Variants in SHMT2 observed in about 807,000 individuals in gnomAD.
SHMT2 encodes serine hydroxymethyltransferase 2.
SHMT2 carries 38 observed loss-of-function variants against 59.6 expected under a neutral mutation model. That is an observed-to-expected ratio of 0.64 (90% confidence interval 0.49 to 0.84). The LOEUF is 0.84. SHMT2 is among the 40% of genes least tolerant of loss of function. SHMT2 has a pLI of 0.00. For synonymous variants in SHMT2, 254 were observed against 258.1 expected, an observed-to-expected ratio of 0.98 and a Z score of 0.15; for missense variants, 533 against 659.5, an observed-to-expected ratio of 0.81 and a Z score of 2.10.
Position 57,229,748 on chromosome 12 carries a change from T to C in SHMT2, c.-31T>C. 6.2e-7 allele frequency: 1 copy of C among 1,614,080 alleles called. No individual in the cohort carries two copies. ...GCTTGCTGCCCTAGACCAGAGTTGGTGGCTGGACCTCCTGCGACTTCCGAG... is the reference window on the plus strand; with the variant it reads ...GCTTGCTGCCCTAGACCAGAGTTGGCGGCTGGACCTCCTGCGACTTCCGAG... On this transcript the variant is annotated 5_prime_UTR_variant, in exon 1 of 12. Coordinates refer to ENST00000328923, the MANE Select transcript of SHMT2 (RefSeq NM_005412.6).
rs1214479792 is a variant in SHMT2 at position 57,233,661 on chromosome 12, A to C, written c.1122A>C (p.Ser374=). The C allele has an allele frequency of 6.2e-7, 1 of 1,613,896 alleles. No individual in the cohort carries two copies. Among genetic ancestry groups the C allele is most frequent in the East Asian group, 2.2e-5 (1 of 44,886 alleles). ...TAGAGCGAGGCTACTCACTGGTATC[A>C]GGTAAGCCAGCAGGTGATGGGTGAG... The part of the protein sequence containing the change: ...ALLERGYSLV[S]GGTDNHLVLV... The change falls in exon 9 of 12, where the codon TCA becomes TCC. Residue 374 remains serine (S), a splice_region_variant and synonymous_variant. Transcript: ENST00000328923.
Position 57,230,937 on chromosome 12 carries a change from G to T in SHMT2, c.168G>T (p.Met56Ile), listed in dbSNP as rs1162516961. Residue 56 changes from methionine to isoleucine, a missense_variant, in exon 2 of 12, where the codon ATG becomes ATT. Met to Ile is a conservative substitution (Grantham distance 10, BLOSUM62 1). Coordinates refer to ENST00000328923, the MANE Select transcript of SHMT2 (RefSeq NM_005412.6). Reference sequence around the variant, plus strand: ...GCCTGTCGGACAGTGATCCTGAGATGTGGGAGTTGCTGCAGAGGGAGAAGG... The same window carrying T: ...GCCTGTCGGACAGTGATCCTGAGATTTGGGAGTTGCTGCAGAGGGAGAAGG... ...QESLSDSDPE[M>I]WELLQREKDR... The T allele has an allele frequency of 6.2e-7, 1 of 1,614,084 alleles. No homozygotes were observed. The highest frequency in any genetic ancestry group is 8.5e-7 in the Non-Finnish European group (1 of 1,180,042).
At position 57,233,817 on chromosome 12, in the gene SHMT2, C is replaced by T. The variant is rs145565217; in HGVS notation, c.1192C>T (p.Arg398Trp). The part of the protein sequence containing the change: ...PKGLDGARAE[R>W]VLELVSITAN... Reference sequence around the variant, plus strand: ...GGGCCTGGATGGAGCTCGGGCTGAGCGGGTGCTAGAGCTTGTATCCATCAC... The same window carrying T: ...GGGCCTGGATGGAGCTCGGGCTGAGTGGGTGCTAGAGCTTGTATCCATCAC... The change falls in exon 10 of 12, where the codon CGG becomes TGG. Residue 398 changes from arginine (R) to tryptophan (W), a missense_variant. Physicochemically the swap from Arg to Trp is moderately radical, Grantham distance 101. Transcript: ENST00000328923. 18 of 1,614,062 alleles carry T rather than the reference C, an allele frequency of 1.1e-5. No individual in the cohort carries two copies. The highest frequency in any genetic ancestry group is 3.3e-4 in the Middle Eastern group (2 of 6,084).
Position 57,231,836 on chromosome 12 carries a change from A to T in SHMT2, c.435A>T (p.Pro145=), listed in dbSNP as rs948427445. ...ATGTCCAGCCCTACTCCGGGTCCCC[A>T]GCCAACCTGGCCGTCTACACAGCCC... ...GVNVQPYSGS[P]ANLAVYTALL... is the part of the protein sequence containing the mutation. The change falls in exon 4 of 12, where the codon CCA becomes CCT. Residue 145 remains proline, a synonymous_variant. Coordinates refer to ENST00000328923, the MANE Select transcript of SHMT2 (RefSeq NM_005412.6). The T allele has an allele frequency of 1.2e-6, 2 of 1,614,134 alleles. No homozygotes were observed. The highest frequency in any genetic ancestry group is 2.2e-5 in the South Asian group (2 of 91,076).
intron 4 of SHMT2, 118 bp downstream of exon 4, chr12:57,232,031 T>C: frequency 8.2e-7 from 1 of 1,221,584 alleles, no homozygotes; most frequent in Admixed American, 2.0e-5. Context: ...CTGTCCTGCA[T>C]GTCACAGTGG....
intron 2 of SHMT2, chr12:57,231,262 C>G: frequency 1.6e-6 from 1 of 626,590 alleles, no homozygotes; most frequent in South Asian, 2.0e-5. Flanking sequence ...AGCCTAGAAG[C>G]ACAAGTTTGA....
At position 57,232,286 on chromosome 12, in the gene SHMT2, G is replaced by C; in HGVS notation, c.588G>C (p.Lys196Asn). 1 of 1,614,020 alleles carries C rather than the reference G, an allele frequency of 6.2e-7. No homozygotes were observed. Among genetic ancestry groups the C allele is most frequent in the South Asian group, 1.1e-5 (1 of 91,078 alleles). ...TCTTCTTCGAGTCTATGCCCTATAA[G>C]CTCAACGTGAGTGCTCTAGGGTGTG... ...TSIFFESMPY[K>N]LNPKTGLIDY... is the part of the protein sequence containing the mutation. Residue 196 changes from lysine to asparagine, a missense_variant, in exon 5 of 12, where the codon AAG becomes AAC. Physicochemically the swap from Lys to Asn is moderately conservative, Grantham distance 94. Coordinates refer to ENST00000328923, the MANE Select transcript of SHMT2 (RefSeq NM_005412.6).
intron 2 of SHMT2, chr12:57,231,269 T>G (rs2136785486): frequency 1.6e-6 from 1 of 626,884 alleles, no homozygotes; most frequent in South Asian, 2.0e-5. Flanking sequence ...AAGCACAAGT[T>G]TGAGTGGGTA....
intron 1 of SHMT2, 117 bp downstream of exon 1, chr12:57,229,928 C>A: frequency 1.3e-6 from 2 of 1,508,360 alleles, no homozygotes; most frequent in Non-Finnish European, 9.0e-7. Context: ...TGGATTGGGG[C>A]CTCAGGGAGC....
rs1378232659 is a variant in SHMT2, at chr12:57,234,578, ACTT to A, written c.*218_*220del. 11 of 448,906 alleles carry A rather than the reference ACTT, an allele frequency of 2.5e-5. No homozygotes were observed. Among genetic ancestry groups the A allele is most frequent in the African/African-American group, 8.0e-5 (4 of 49,696 alleles). The allele number at this position is 448,906 out of a possible 1,614,324, so 27.8% of individuals were successfully genotyped here. On this transcript the variant is annotated 3_prime_UTR_variant, in exon 12 of 12. Coordinates refer to ENST00000328923, the MANE Select transcript of SHMT2 (RefSeq NM_005412.6). ...CAAGACTTAGAAGGAGGGCCCAGGC[ACTT>A]TCTGTTTGAACCCCTGTCATGATCA... is the stretch of plus-strand genomic sequence containing the variant.
chr12:57,233,001 T>A, intron 7 of SHMT2, 158 bp downstream of exon 7: 1 of 1,263,706 alleles, frequency 7.9e-7, no homozygotes, highest in Non-Finnish European at 1.1e-6. Context: ...ATGGTGGCCA[T>A]GCCCTGGCAG....
At chr12:57,229,974 C>T (rs1275820664) in intron 1 of SHMT2, 163 bp downstream of exon 1, 14 of 1,451,266 alleles carry the variant, frequency 9.6e-6, no homozygotes, top group Admixed American at 2.6e-5. Flanking sequence ...GACCCCTGGG[C>T]GCGCGTGGAG....
intron 2 of SHMT2, 109 bp from the exon 3 acceptor site, chr12:57,231,372 T>A (rs2037310388): frequency 1.7e-6 from 2 of 1,183,524 alleles, no homozygotes; most frequent in Non-Finnish European, 1.2e-6. Context: ...TGAATGGAGC[T>A]TTCTGCAGGG....
intron 2 of SHMT2, 63 bp from the exon 3 acceptor site, chr12:57,231,418 G>A: frequency 6.5e-7 from 1 of 1,534,286 alleles, no homozygotes; most frequent in South Asian, 1.2e-5. Flanking sequence ...CTGGCAGGGA[G>A]GGACTGTGGG....
In SHMT2 at chr12:57,231,555, C is replaced by T; in HGVS notation, c.306C>T (p.Gly102=). ...ACAAGTACTCGGAGGGTTATCCTGG[C>T]AAGAGGTGAGGGCTGGAGGGCAGTG... ...LNNKYSEGYP[G]KRYYGGAEVV... Residue 102 remains glycine, a synonymous_variant, in exon 3 of 12, where the codon GGC becomes GGT. Transcript: ENST00000328923. 6.2e-7 allele frequency: 1 copy of T among 1,614,186 alleles called. No homozygotes were observed. The highest frequency in any genetic ancestry group is 8.5e-7 in the Non-Finnish European group (1 of 1,180,028).
intron 1 of SHMT2, chr12:57,230,543 A>C: frequency 7.4e-7 from 1 of 1,357,754 alleles, no homozygotes; most frequent in Non-Finnish European, 9.5e-7. Flanking sequence ...AGCTTTGCAG[A>C]GTGGTTCATG....
At chr12:57,232,119 T>C in intron 4 of SHMT2, 92 bp from the exon 5 acceptor site, 1 of 1,246,806 alleles carries the variant, frequency 8.0e-7, no homozygotes, top group South Asian at 1.2e-5. Flanking sequence ...CTAGGACTGG[T>C]GTTCTGGGGA....
intron 3 of SHMT2, 43 bp from the exon 4 acceptor site, chr12:57,231,668 TGA>T (rs2037323544): frequency 2.5e-6 from 4 of 1,612,512 alleles, no homozygotes; most frequent in Non-Finnish European, 3.4e-6. Flanking sequence ...TGCTGATGGT[TGA>T]GAGTCCTTTC....
rs1463174031 is a variant in SHMT2 at position 57,234,061 on chromosome 12, C to T, written c.1338C>T (p.Asp446=). 1.2e-6 allele frequency: 2 copies of T among 1,614,040 alleles called. No individual in the cohort carries two copies. The highest frequency in any genetic ancestry group is 1.1e-5 in the South Asian group (1 of 91,082). The change falls in exon 11 of 12, where the codon GAC becomes GAT. Residue 446 remains aspartate, a synonymous_variant. Coordinates refer to ENST00000328923, the MANE Select transcript of SHMT2 (RefSeq NM_005412.6). ...FREDDFRRVV[D]FIDEGVNIGL... is the part of the protein sequence containing the mutation. ...AGGATGACTTCCGGAGAGTTGTGGA[C>T]TTTATAGATGAAGGGGTCAACATTG...
Sources: gnomAD v4.1 joint callset for allele counts on GRCh38, gnomAD v4.1.1 for gene constraint, MANE v1.5 for transcripts, NCBI Gene and HGNC (gene_info 2026-07-23, HGNC 2026-07-21) for gene names.